Variants in RAI1 observed in about 807,000 individuals in gnomAD.
The protein encoded by RAI1 is retinoic acid induced 1, also known as retinoic acid-induced protein 1.
RAI1 carries 9 observed loss-of-function variants against 123.8 expected under a neutral mutation model. The observed-to-expected ratio is 0.07, with a 90% CI of 0.04 to 0.13. The LOEUF is 0.13. Ranked by LOEUF, RAI1 falls within the 10% of genes least tolerant of loss-of-function variation. The pLI is 1.00. For missense variants in RAI1, 2,256 were observed against 2,545.8 expected (o/e 0.89, Z 2.45); for synonymous variants, 1,231 against 1,127.3 (o/e 1.09, Z -1.84).
intron 2 of RAI1, among the ~76,000 whole-genome samples, chr17:17,770,397 G>A (rs1371462976): frequency 6.6e-6 from 1 of 152,188 alleles, no homozygotes; most frequent in Non-Finnish European, 1.5e-5. Context: ...GGCTCAGCCT[G>A]GGTAAGAGAT....
Position 17,798,254 on chromosome 17 carries a change from T to C in RAI1, c.5306T>C (p.Leu1769Pro). 6.2e-7 allele frequency: 1 copy of C among 1,605,398 alleles called. No homozygotes were observed. Among genetic ancestry groups the C allele is most frequent in the Non-Finnish European group, 8.5e-7 (1 of 1,175,860 alleles). The change falls in exon 3 of 6, where the codon CTG becomes CCG. Residue 1769 changes from leucine to proline, a missense_variant. Leu to Pro is a moderately conservative substitution (Grantham distance 98). This residue lies in a region of RAI1 where 243 missense variants were observed against 316.6 expected (regional missense o/e 0.77). Transcript: ENST00000353383. The part of the protein sequence containing the change: ...GPADPAKQGP[L>P]RTSARGLSRR... ...GCTGACCCGGCCAAGCAGGGCCCAC[T>C]GCGCACCAGTGCCCGGGGCCTGTCC...
At chr17:17,773,817 C>T (rs2031247379) in intron 2 of RAI1, among the ~76,000 whole-genome samples, 1 of 152,224 alleles carries the variant, frequency 6.6e-6, no homozygotes. Context: ...AAAGCTACCT[C>T]TGGAAACTGA....
At chr17:17,804,509 G>A (rs945205065) in intron 4 of RAI1, among the ~76,000 whole-genome samples, 3 of 152,230 alleles carry the variant, frequency 2.0e-5, no homozygotes, top group African/African-American at 4.8e-5. Flanking sequence ...TTATCGACCA[G>A]GTGGGGAAAC....
rs553812613 is a variant in RAI1, at chr17:17,717,379, C to T, written c.-148-6649C>T. 5.7e-4 allele frequency among the ~76,000 whole-genome samples: 86 copies of T among 151,766 alleles called. 1 individual carries two copies. The highest frequency in any genetic ancestry group is 1.0e-3 in the Non-Finnish European group (71 of 67,884). ...TGGCAGAGAACCCCAGCCAGCCCAA[C>T]GTGTCCAGAGTGTGTGGCTTCATTG... On this transcript the variant is annotated intron_variant, in intron 1 of 5. Transcript: ENST00000353383.
At chr17:17,747,298 C>T (rs996069647) in intron 2 of RAI1, among the ~76,000 whole-genome samples, 2 of 152,196 alleles carry the variant, frequency 1.3e-5, no homozygotes, top group Non-Finnish European at 1.5e-5. Flanking sequence ...GTTTTATAAC[C>T]CCTTCTCCAG....
rs1312374159 is a variant in RAI1, at chr17:17,796,358, C to G, written c.3410C>G (p.Pro1137Arg). 6.2e-7 allele frequency: 1 copy of G among 1,613,670 alleles called. No individual in the cohort carries two copies. The highest frequency in any genetic ancestry group is 1.1e-5 in the South Asian group (1 of 91,086). Residue 1137 changes from proline to arginine, a missense_variant, in exon 3 of 6, where the codon CCT becomes CGT. Coordinates refer to ENST00000353383, the MANE Select transcript of RAI1 (RefSeq NM_030665.4). This position sits in a 1 kb window ranked among gnomAD's most constrained non-coding sequence, Gnocchi z 5.8. The part of the protein sequence containing the change: ...KTKETDSPST[P>R]GKDQRSMILR... ...AAGGAGACAGACTCACCCAGCACGCCTGGCAAGGACCAGCGCTCCATGATC... is the reference window on the plus strand; with the variant it reads ...AAGGAGACAGACTCACCCAGCACGCGTGGCAAGGACCAGCGCTCCATGATC...
At chr17:17,719,242 G>A (rs1598032249) in intron 1 of RAI1, among the ~76,000 whole-genome samples, 2 of 152,254 alleles carry the variant, frequency 1.3e-5, no homozygotes, top group East Asian at 1.9e-4. Context: ...ATCTCGTTCA[G>A]TCTAAGAGCC....
At position 17,753,464 on chromosome 17, in the gene RAI1, A is replaced by G. The variant is rs572640916; in HGVS notation, c.-17+29305A>G. 9.3e-4 allele frequency among the ~76,000 whole-genome samples: 142 copies of G among 152,354 alleles called. 1 individual carries two copies. Among genetic ancestry groups the G allele is most frequent in the Non-Finnish European group, 9.3e-4 (63 of 68,020 alleles). On this transcript the variant is annotated intron_variant, in intron 2 of 5. Transcript: ENST00000353383. ...CATGAAATCGGCTTCACGGTTATAC[A>G]TGGATAGCCTTTTGGGAGTTGGGTG...
intron 2 of RAI1, among the ~76,000 whole-genome samples, chr17:17,741,386 C>T (rs943736684): frequency 3.3e-5 from 5 of 152,352 alleles, no homozygotes; most frequent in South Asian, 2.1e-4. Flanking sequence ...CCCTCCCTCC[C>T]GGGCCCCTCC....
chr17:17,803,671 CCA>C, intron 3 of RAI1, 83 bp from the exon 4 acceptor site: 5 of 1,265,698 alleles, frequency 4.0e-6, no homozygotes, highest in Non-Finnish European at 5.8e-6. Context: ...CAGGCATGAG[CCA>C]CTGCACCTGG....
intron 2 of RAI1, among the ~76,000 whole-genome samples, chr17:17,786,966 G>A (rs1356434119): frequency 1.3e-5 from 2 of 152,212 alleles, no homozygotes; most frequent in South Asian, 2.1e-4. Context: ...CCAGCTACCC[G>A]GGAGGCGGAG....
chr17:17,764,890 T>G (rs907771275), intron 2 of RAI1, among the ~76,000 whole-genome samples: 2 of 152,254 alleles, frequency 1.3e-5, no homozygotes, highest in African/African-American at 4.8e-5. Flanking sequence ...GCGCCTGGCC[T>G]CCTCTTCTTT....
intron 2 of RAI1, among the ~76,000 whole-genome samples, chr17:17,785,731 G>A (rs1204610006): frequency 1.3e-5 from 2 of 152,222 alleles, no homozygotes; most frequent in African/African-American, 4.8e-5. Context: ...CCTCCCCCCT[G>A]AGCCCAGGGC....
At chr17:17,760,084 C>T (rs2030624416) in intron 2 of RAI1, among the ~76,000 whole-genome samples, 1 of 152,224 alleles carries the variant, frequency 6.6e-6, no homozygotes, top group Non-Finnish European at 1.5e-5. Context: ...GGTCAGAGCC[C>T]TGTGCTGGAC....
chr17:17,774,921 C>T (rs1447596313), intron 2 of RAI1, among the ~76,000 whole-genome samples: 1 of 152,152 alleles, frequency 6.6e-6, no homozygotes, highest in Non-Finnish European at 1.5e-5. Flanking sequence ...CACAGCAAGG[C>T]AGTGTCTGGG....
intron 2 of RAI1, among the ~76,000 whole-genome samples, chr17:17,725,868 G>A (rs1009228836): frequency 3.3e-5 from 5 of 151,994 alleles, no homozygotes; most frequent in Admixed American, 2.6e-4. Context: ...GAGAGGGAGG[G>A]GGGCGGCTAG....
rs751581773 is a variant in RAI1 at position 17,794,183 on chromosome 17, G to A, written c.1235G>A (p.Gly412Asp). 9 of 1,613,638 alleles carry A rather than the reference G, an allele frequency of 5.6e-6. No individual in the cohort carries two copies. The Admixed American group carries it at 6.7e-5, about 12-fold the overall frequency. Residue 412 changes from glycine (G) to aspartate (D), a missense_variant, in exon 3 of 6, where the codon GGC becomes GAC. Gly to Asp is a moderately conservative substitution (Grantham distance 94). Coordinates refer to ENST00000353383, the MANE Select transcript of RAI1 (RefSeq NM_030665.4). ...DATSSVDTQA[G>D]NCKPLQKDKL... ...ACCAGCTCTGTGGACACCCAGGCTG[G>A]CAACTGCAAGCCCCTTCAGAAGGAC...
chr17:17,800,180 G>GTCTCTCTCTCTCTCTC lies in RAI1; in HGVS notation c.5565+1700_5565+1715dup, dbSNP rs58147049. Among the ~76,000 whole-genome samples the GTCTCTCTCTCTCTCTC allele has an allele frequency of 1.1e-3, 132 of 116,336 alleles. 7 individuals are homozygous for GTCTCTCTCTCTCTCTC. The highest frequency in any genetic ancestry group is 2.3e-3 in the African/African-American group (76 of 33,424). The allele number at this position is 116,336 out of a possible 152,430, so 76.3% of individuals were successfully genotyped here. Reference sequence around the variant, plus strand: ...TCTCTCCTGCTTTCTGTCTCTCTCTGTCTCTCTCTCTCTCTCTCTCTCTCT... The same window carrying GTCTCTCTCTCTCTCTC: ...TCTCTCCTGCTTTCTGTCTCTCTCTGTCTCTCTCTCTCTCTCTCTCTCTCTCTCTCTCTCTCTCTCT... On this transcript the variant is annotated intron_variant, in intron 3 of 5. Transcript: ENST00000353383. The surrounding 1 kb of genome is among the most constrained non-coding windows in gnomAD (Gnocchi z 4.7).
intron 2 of RAI1, among the ~76,000 whole-genome samples, chr17:17,726,710 AG>A (rs1916101434): frequency 7.1e-6 from 1 of 140,334 alleles, no homozygotes; most frequent in East Asian, 2.0e-4. Flanking sequence ...ATTGTAAAAT[AG>A]CATTCACAGA....
Sources: allele counts gnomAD v4.1 joint callset (sites outside exome capture counted in the v4.1 genomes callset), GRCh38; gene constraint gnomAD v4.1.1; regional missense constraint gnomAD v4.1.1; non-coding constraint Gnocchi (gnomAD v3.1); transcripts MANE v1.5; gene names NCBI Gene and HGNC (gene_info 2026-07-23, HGNC 2026-07-21).